TANC1: variants seen among roughly 807,000 people sequenced by gnomAD.
TANC1 encodes the protein protein TANC1.
TANC1 carries 77 observed loss-of-function variants against 149.7 expected under a neutral mutation model. That is an observed-to-expected ratio of 0.51 (90% CI 0.43 to 0.62). The LOEUF is 0.62. Among genes scored for constraint, TANC1 ranks in the 20% least tolerant of loss-of-function variants. The pLI is 0.00. For synonymous variants in TANC1, 854 were observed against 925.0 expected (o/e 0.92, Z 1.39); for missense variants, 1,985 against 2,321.8 (o/e 0.85, Z 2.98).
intron 11 of TANC1, among the ~76,000 whole-genome samples, chr2:159,173,851 G>T (rs766416344): frequency 1.4e-4 from 21 of 152,216 alleles, no homozygotes; most frequent in Admixed American, 2.6e-4. Flanking sequence ...AGGTTGGCCA[G>T]AGAAAAGCTG....
chr2:159,186,827 C>A, intron 15 of TANC1, 75 bp from the exon 16 acceptor site: 2 of 1,592,578 alleles, frequency 1.3e-6, no homozygotes, highest in South Asian at 1.1e-5. Flanking sequence ...TTCAGAGTGA[C>A]CCTGCAGGTG....
intron 1 of TANC1, among the ~76,000 whole-genome samples, chr2:158,983,477 A>AAAAAAAAAAAAAAAAAAAC (rs1559098764): frequency 2.6e-4 from 40 of 151,196 alleles, no homozygotes; most frequent in African/African-American, 9.3e-4. Flanking sequence ...CCAAAAAAAA[A>AAAAAAAAAAAAAAAAAAAC]AAAAAAAAAA....
At chr2:159,191,871 A>G (rs902157601) in intron 16 of TANC1, among the ~76,000 whole-genome samples, 5 of 152,034 alleles carry the variant, frequency 3.3e-5, no homozygotes, top group Admixed American at 1.3e-4. Flanking sequence ...TGGTTTTCAC[A>G]TTTAGTGGGC....
intron 4 of TANC1, among the ~76,000 whole-genome samples, chr2:159,114,202 G>A (rs1233935770): frequency 1.3e-5 from 2 of 152,184 alleles, no homozygotes; most frequent in South Asian, 4.1e-4. Flanking sequence ...TATGGGGACT[G>A]AAGGTAGGGA....
intron 3 of TANC1, among the ~76,000 whole-genome samples, chr2:159,076,591 C>T (rs1306257855): frequency 1.3e-5 from 2 of 152,192 alleles, no homozygotes; most frequent in Non-Finnish European, 2.9e-5. Context: ...TTGCTATAAT[C>T]ATAAGTGCAA....
chr2:159,206,963 T>C (rs2058650122), intron 19 of TANC1, among the ~76,000 whole-genome samples: 1 of 152,238 alleles, frequency 6.6e-6, no homozygotes. Context: ...TCCGGTCTTC[T>C]CATGGATTCT....
intron 2 of TANC1, among the ~76,000 whole-genome samples, chr2:159,008,625 C>T (rs2037456765): frequency 1.3e-5 from 2 of 152,136 alleles, no homozygotes; most frequent in African/African-American, 4.8e-5. Flanking sequence ...TCTTGATATG[C>T]TAGACTCATA....
At chr2:158,974,387 A>T (rs1163776789) in intron 1 of TANC1, among the ~76,000 whole-genome samples, 3 of 152,202 alleles carry the variant, frequency 2.0e-5, no homozygotes, top group African/African-American at 7.2e-5. Context: ...ATTAAAAATC[A>T]TGTATTATTT....
intron 1 of TANC1, among the ~76,000 whole-genome samples, chr2:158,994,774 T>C (rs1477058630): frequency 6.6e-6 from 1 of 152,274 alleles, no homozygotes; most frequent in Non-Finnish European, 1.5e-5. Flanking sequence ...TGGTTAACTT[T>C]ACTGCATTCA....
chr2:159,230,017 G>C lies in TANC1; in HGVS notation c.4591G>C (p.Ala1531Pro). ...PGLLLQPSKQ[A>P]QIVKTSQHLG... ...GCTGCTCCTGCAGCCCTCCAAGCAG[G>C]CCCAGATCGTGAAAACCAGCCAGCA... Residue 1531 changes from alanine to proline, a missense_variant, in exon 27 of 27, where the codon GCC becomes CCC. Around this residue, in one of 3 missense-constraint regions of TANC1, gnomAD observed 920 missense variants for 994.7 expected, o/e 0.92. Coordinates refer to ENST00000263635, the MANE Select transcript of TANC1 (RefSeq NM_033394.3). The surrounding 1 kb of genome is among the most constrained non-coding windows in gnomAD (Gnocchi z 4.4). 1.9e-6 allele frequency: 3 copies of C among 1,614,070 alleles called. No individual in the cohort carries two copies. The highest frequency in any genetic ancestry group is 2.5e-6 in the Non-Finnish European group (3 of 1,180,026).
In TANC1 at chr2:159,000,825, G is replaced by C. The variant is rs538672466; in HGVS notation, c.-125-255G>C. Among the ~76,000 whole-genome samples, 17 of 152,282 alleles carry C rather than the reference G, an allele frequency of 1.1e-4. No homozygotes were observed. The South Asian group carries it at 3.5e-3, about 32-fold the overall frequency. On this transcript the variant is annotated intron_variant, in intron 1 of 26. Coordinates refer to ENST00000263635, the MANE Select transcript of TANC1 (RefSeq NM_033394.3). ...CCTGGAAATGGCTGGCCAGAGTCAA[G>C]AGCCAGGGATCAGAGCTTAAGTGCA...
chr2:159,102,657 A>G, intron 4 of TANC1, among the ~76,000 whole-genome samples: 1 of 100,116 alleles, frequency 1.0e-5, no homozygotes, highest in East Asian at 2.5e-4. Context: ...TTTGTTGTCC[A>G]TTGTTTCATT....
At chr2:159,048,667 C>T (rs575965406) in intron 2 of TANC1, among the ~76,000 whole-genome samples, 1 of 152,266 alleles carries the variant, frequency 6.6e-6, no homozygotes, top group Non-Finnish European at 1.5e-5. Context: ...AAGAAACGAC[C>T]TTGTTTATAG....
At chr2:159,019,442 T>C (rs1328475920) in intron 2 of TANC1, among the ~76,000 whole-genome samples, 1 of 152,140 alleles carries the variant, frequency 6.6e-6, no homozygotes, top group Non-Finnish European at 1.5e-5. Context: ...GTTGGCAACC[T>C]AATTCAGTTA....
At chr2:159,142,241 C>G (rs1455354851) in intron 5 of TANC1, among the ~76,000 whole-genome samples, 1 of 152,198 alleles carries the variant, frequency 6.6e-6, no homozygotes, top group Non-Finnish European at 1.5e-5. Context: ...CCCCAAGACA[C>G]TTTCAGGGGT....
At chr2:159,116,728 C>T (rs1383808024) in intron 4 of TANC1, among the ~76,000 whole-genome samples, 1 of 152,126 alleles carries the variant, frequency 6.6e-6, no homozygotes, top group African/African-American at 2.4e-5. Flanking sequence ...TGTAGTTGGC[C>T]AATGTTAACT....
Position 159,163,654 on chromosome 2 carries a change from C to T in TANC1, c.946+108C>T, listed in dbSNP as rs780147354. ...TCCAGATACAAGCCAGCTTCGTGGC[C>T]GTGGGTCAGGCACTTACCTTTTCTA... is the stretch of plus-strand genomic sequence containing the variant. On this transcript the variant is annotated intron_variant, in intron 8 of 26. Coordinates refer to ENST00000263635, the MANE Select transcript of TANC1 (RefSeq NM_033394.3). 128 of 1,296,034 alleles carry T rather than the reference C, an allele frequency of 9.9e-5. No individual in the cohort carries two copies. The East Asian group carries it at 1.0e-3, about 10-fold the overall frequency. The allele number at this position is 1,296,034 out of a possible 1,614,324, so 80.3% of individuals were successfully genotyped here.
intron 4 of TANC1, among the ~76,000 whole-genome samples, chr2:159,102,059 G>A (rs916278667): frequency 1.3e-5 from 2 of 152,184 alleles, no homozygotes; most frequent in African/African-American, 4.8e-5. Context: ...AGGCTGTGGA[G>A]TAGAAGCCAT....
At chr2:159,214,930 G>A (rs544161290) in intron 19 of TANC1, among the ~76,000 whole-genome samples, 6 of 152,154 alleles carry the variant, frequency 3.9e-5, no homozygotes, top group Admixed American at 2.6e-4. Flanking sequence ...GGAATAGGGC[G>A]TGGAACATTC....
Sources: allele counts gnomAD v4.1 joint callset (sites outside exome capture counted in the v4.1 genomes callset), GRCh38; gene constraint gnomAD v4.1.1; regional missense constraint gnomAD v4.1.1; non-coding constraint Gnocchi (gnomAD v3.1); transcripts MANE v1.5; gene names NCBI Gene and HGNC (gene_info 2026-07-23, HGNC 2026-07-21).